The following GALNT7 variants were observed in gnomAD, a reference collection of about 807,000 sequenced individuals.
GALNT7 encodes polypeptide N-acetylgalactosaminyltransferase 7.
In GALNT7, 60 loss-of-function variants were observed where a neutral mutation model predicts 82.1. The ratio of observed to expected loss-of-function variants is 0.73; its 90% CI spans 0.59 to 0.91. GALNT7 has a LOEUF of 0.91. Ranked by LOEUF, GALNT7 falls within the 40% of genes least tolerant of loss-of-function variation. The probability of loss-of-function intolerance (pLI) is 0.00; values close to 1 mark genes in which losing one functional copy is unlikely to be tolerated. For missense variants in GALNT7, 660 were observed against 804.2 expected (o/e 0.82, Z 2.17); for synonymous variants, 243 against 275.1 (o/e 0.88, Z 1.15).
At chr4:173,287,352 G>A (rs1430529690) in intron 2 of GALNT7, among the ~76,000 whole-genome samples, 1 of 152,268 alleles carries the variant, frequency 6.6e-6, no homozygotes, top group Non-Finnish European at 1.5e-5. Flanking sequence ...ATCCAGGAGA[G>A]TTTAAATACT....
At chr4:173,289,922 A>T (rs1736473527) in intron 2 of GALNT7, among the ~76,000 whole-genome samples, 1 of 152,138 alleles carries the variant, frequency 6.6e-6, no homozygotes, top group African/African-American at 2.4e-5. Flanking sequence ...CCTCAGTTCT[A>T]GAGGGTATCT....
At chr4:173,200,542 C>A (rs765580641) in intron 1 of GALNT7, among the ~76,000 whole-genome samples, 15 of 152,062 alleles carry the variant, frequency 9.9e-5, no homozygotes, top group Admixed American at 2.0e-4. Flanking sequence ...CAACCTCCTA[C>A]ATGTTATTTT....
chr4:173,218,430 A>C (rs1393588001), intron 1 of GALNT7, among the ~76,000 whole-genome samples: 1 of 150,764 alleles, frequency 6.6e-6, no homozygotes, highest in Non-Finnish European at 1.5e-5. Flanking sequence ...GGAGAACAAG[A>C]TAGTATTGCC....
rs1028437282 is a variant in GALNT7, at chr4:173,304,257, C to T, written c.1389+139C>T. ...GATTCTCACCTTTAACTTAGCTAGA[C>T]TTATTCACGAAATATCTTATTGTTC... On this transcript the variant is annotated intron_variant, in intron 8 of 11. Coordinates refer to ENST00000265000, the MANE Select transcript of GALNT7 (RefSeq NM_017423.3). 6.4e-6 allele frequency: 4 copies of T among 622,706 alleles called. No homozygotes were observed. The African/African-American group carries it at 7.6e-5, about 12-fold the overall frequency. 38.6% of individuals were successfully genotyped at this position (622,706 alleles called of 1,614,324 possible). A position where few individuals can be genotyped will look rare whatever the true frequency, so the allele number is the denominator to read the frequency against.
chr4:173,295,915 C>A, intron 5 of GALNT7, 72 bp downstream of exon 5: 1 of 860,322 alleles, frequency 1.2e-6, no homozygotes, highest in African/African-American at 1.6e-5. Context: ...ATAATATTTT[C>A]ATCCTTTGAT....
intron 1 of GALNT7, among the ~76,000 whole-genome samples, chr4:173,177,482 G>A (rs988628352): frequency 6.6e-6 from 1 of 152,154 alleles, no homozygotes; most frequent in Admixed American, 6.5e-5. Flanking sequence ...AGTTAAAGGA[G>A]CCTGTGTGGA....
chr4:173,261,931 G>A (rs895862025), intron 2 of GALNT7, among the ~76,000 whole-genome samples: 3 of 151,886 alleles, frequency 2.0e-5, no homozygotes, highest in Admixed American at 2.0e-4. Context: ...AATTTTAATC[G>A]TTAATTCATT....
chr4:173,231,435 G>A, intron 1 of GALNT7, among the ~76,000 whole-genome samples: 1 of 152,176 alleles, frequency 6.6e-6, no homozygotes, highest in East Asian at 1.9e-4. Context: ...TCTTGAAGTT[G>A]TTTAGCATTG....
intron 1 of GALNT7, among the ~76,000 whole-genome samples, chr4:173,246,925 C>G (rs1253554331): frequency 6.6e-6 from 1 of 152,084 alleles, no homozygotes; most frequent in African/African-American, 2.4e-5. Context: ...CACCTTGCCT[C>G]TTCACCAGCT....
intron 1 of GALNT7, among the ~76,000 whole-genome samples, chr4:173,203,630 C>CTTAGGTTTTCTTTGTGGTTACCG (rs1422303878): frequency 6.6e-6 from 1 of 151,962 alleles, no homozygotes; most frequent in African/African-American, 2.4e-5. Flanking sequence ...GAGTATCCTC[C>CTTAGGTTTTCTTTGTGGTTACCG]TTAGGTTTTC....
chr4:173,217,303 G>T (rs978452495), intron 1 of GALNT7, among the ~76,000 whole-genome samples: 1 of 152,082 alleles, frequency 6.6e-6, no homozygotes, highest in Non-Finnish European at 1.5e-5. Context: ...AGGGTGTGTC[G>T]CTTGTTCATG....
rs115760875 is a variant in GALNT7 at position 173,262,129 on chromosome 4, A to G, written c.587+13689A>G. Among the ~76,000 whole-genome samples, 1,176 of 152,304 alleles carry G rather than the reference A, an allele frequency of 7.7e-3. 14 individuals are homozygous for G. The highest frequency in any genetic ancestry group is 0.026 in the African/African-American group (1,098 of 41,562). ...CCCTGGGTTGTTTTAGTTGAAATAT[A>G]TGAAGAAAATCTGGCCTCACTCAGA... On this transcript the variant is annotated intron_variant, in intron 2 of 11. Transcript: ENST00000265000.
At chr4:173,181,368 T>C (rs1297698458) in intron 1 of GALNT7, among the ~76,000 whole-genome samples, 2 of 152,304 alleles carry the variant, frequency 1.3e-5, no homozygotes, top group East Asian at 1.9e-4. Flanking sequence ...TGTTTCCCTT[T>C]TAGTGATCAG....
intron 2 of GALNT7, among the ~76,000 whole-genome samples, chr4:173,255,810 G>T (rs1035965314): frequency 1.3e-5 from 2 of 152,206 alleles, no homozygotes; most frequent in African/African-American, 2.4e-5. Context: ...AGACATGCTA[G>T]AGTGCAGTGT....
intron 1 of GALNT7, among the ~76,000 whole-genome samples, chr4:173,240,658 C>T (rs141084446): frequency 0.012 from 1,778 of 152,162 alleles, 16 homozygotes; most frequent in Middle Eastern, 0.017. Flanking sequence ...CATGAGCCAC[C>T]GTGCCCAGCC....
chr4:173,293,871 GAC>G (rs1476604430), intron 3 of GALNT7, among the ~76,000 whole-genome samples: 7 of 152,224 alleles, frequency 4.6e-5, no homozygotes, highest in Non-Finnish European at 1.0e-4. Context: ...TGGGAAAGAA[GAC>G]ACACACAACC....
At chr4:173,251,065 C>T (rs1215774897) in intron 2 of GALNT7, among the ~76,000 whole-genome samples, 1 of 152,184 alleles carries the variant, frequency 6.6e-6, no homozygotes, top group Non-Finnish European at 1.5e-5. Context: ...CTGCCTTTCT[C>T]ATTAGATAAG....
At chr4:173,257,612 T>G (rs574577230) in intron 2 of GALNT7, among the ~76,000 whole-genome samples, 1 of 152,334 alleles carries the variant, frequency 6.6e-6, no homozygotes, top group South Asian at 2.1e-4. Flanking sequence ...ACCTGTAGCT[T>G]TGCTTCCCTC....
chr4:173,277,836 TGCAGGAGTG>T (rs1735970357), intron 2 of GALNT7, among the ~76,000 whole-genome samples: 1 of 152,244 alleles, frequency 6.6e-6, no homozygotes, highest in South Asian at 2.1e-4. Flanking sequence ...CTTAGTTATC[TGCAGGAGTG>T]ATTTCCATAT....
Sources: allele counts gnomAD v4.1 joint callset (sites outside exome capture counted in the v4.1 genomes callset), GRCh38; gene constraint gnomAD v4.1.1; transcripts MANE v1.5; gene names NCBI Gene and HGNC (gene_info 2026-07-23, HGNC 2026-07-21).